Variants in NFXL1 observed in about 807,000 individuals in gnomAD.
NFXL1 encodes nuclear transcription factor, X-box binding like 1.
In NFXL1, 66 loss-of-function variants were observed where a neutral mutation model predicts 123.3. The ratio of observed to expected loss-of-function variants is 0.54; its 90% CI spans 0.44 to 0.66. The LOEUF (loss-of-function observed/expected upper bound fraction) is 0.66. Among genes scored for constraint, NFXL1 ranks in the 30% least tolerant of loss-of-function variants. NFXL1 has a pLI of 0.00. For missense variants in NFXL1, 944 were observed against 1,125.6 expected (o/e 0.84, Z 2.31); for synonymous variants, 346 against 360.8 (o/e 0.96, Z 0.46).
chr4:47,864,495 T>C (rs942643144), intron 18 of NFXL1, among the ~76,000 whole-genome samples: 1 of 152,148 alleles, frequency 6.6e-6, no homozygotes, highest in Non-Finnish European at 1.5e-5. Context: ...TCCTGTCCCA[T>C]ACTCTGGAAG....
intron 3 of NFXL1, among the ~76,000 whole-genome samples, chr4:47,907,958 A>G (rs1157402763): frequency 6.6e-6 from 1 of 152,222 alleles, no homozygotes; most frequent in Non-Finnish European, 1.5e-5. Flanking sequence ...TAGACTTCTC[A>G]GCCAAACTTC....
At chr4:47,854,525 C>T (rs1236073942) in intron 20 of NFXL1, among the ~76,000 whole-genome samples, 1 of 151,992 alleles carries the variant, frequency 6.6e-6, no homozygotes, top group Non-Finnish European at 1.5e-5. Flanking sequence ...CCCATTTACT[C>T]CTCTGTTACC....
rs762079023 is a variant in NFXL1, at chr4:47,862,926, GA to G, written c.2247-12del. 1 of 1,473,690 alleles carries G rather than the reference GA, an allele frequency of 6.8e-7. No homozygotes were observed. Among genetic ancestry groups the G allele is most frequent in the South Asian group, 1.3e-5 (1 of 79,472 alleles). The allele number at this position is 1,473,690 out of a possible 1,614,324, so 91.3% of individuals were successfully genotyped here. On this transcript the variant is annotated splice_polypyrimidine_tract_variant and intron_variant, in intron 18 of 22. Coordinates refer to ENST00000507489, the MANE Select transcript of NFXL1 (RefSeq NM_001278624.2). ...GCTGTGGTTATTTTTCTAAAAATAA[GA>G]AAGTTGATGACATTCAAACAAAAAT...
intron 18 of NFXL1, among the ~76,000 whole-genome samples, chr4:47,873,533 C>A (rs1354158065): frequency 2.6e-5 from 4 of 152,102 alleles, no homozygotes; most frequent in Middle Eastern, 3.2e-3. Context: ...GGTATATTGT[C>A]AATGAGCAGT....
At chr4:47,880,806 G>GT (rs1491317602) in intron 15 of NFXL1, among the ~76,000 whole-genome samples, 9 of 24,382 alleles carry the variant, frequency 3.7e-4, no homozygotes, top group East Asian at 1.4e-3. Flanking sequence ...TAATTAATGA[G>GT]TAAAAAAAAA....
chr4:47,866,402 C>A (rs1487052477), intron 18 of NFXL1, among the ~76,000 whole-genome samples: 2 of 152,154 alleles, frequency 1.3e-5, no homozygotes, highest in African/African-American at 4.8e-5. Context: ...AGAGAGTGGT[C>A]ATCAACTAGA....
Position 47,885,984 on chromosome 4 carries a change from C to A in NFXL1, c.1559G>T (p.Cys520Phe). The A allele has an allele frequency of 6.2e-7, 1 of 1,611,710 alleles. No individual in the cohort carries two copies. Among genetic ancestry groups the A allele is most frequent in the Non-Finnish European group, 8.5e-7 (1 of 1,179,348 alleles). ...SVCHRGSCYP[C>F]PETVDVKCNC... ...ACACTTCACATCTACGGTTTCTGGG[C>A]AGGGATAGCAACTGCCTGAAAAAAA... is the stretch of plus-strand genomic sequence containing the variant. Residue 520 changes from cysteine to phenylalanine, a missense_variant, in exon 13 of 23, where the codon TGC (cysteine) becomes TTC (phenylalanine). This residue lies in a region of NFXL1 where 296 missense variants were observed against 395.1 expected (regional missense o/e 0.75). Coordinates refer to ENST00000507489, the MANE Select transcript of NFXL1 (RefSeq NM_001278624.2).
chr4:47,866,839 A>G (rs137966834), intron 18 of NFXL1, among the ~76,000 whole-genome samples: 1 of 152,352 alleles, frequency 6.6e-6, no homozygotes, highest in Non-Finnish European at 1.5e-5. Context: ...TCTGGTATGT[A>G]CCAGGTGAGG....
At chr4:47,851,656 G>A (rs551189178) in intron 21 of NFXL1, among the ~76,000 whole-genome samples, 200 bp downstream of exon 21, 2 of 151,974 alleles carry the variant, frequency 1.3e-5, no homozygotes, top group East Asian at 1.9e-4. Context: ...ATCTTATAAC[G>A]GGCATAGAAG....
intron 4 of NFXL1, among the ~76,000 whole-genome samples, chr4:47,903,811 T>C (rs1289499419): frequency 6.6e-6 from 1 of 152,142 alleles, no homozygotes; most frequent in Non-Finnish European, 1.5e-5. Context: ...AGCCCTTTTG[T>C]TATATAAAAC....
Position 47,899,232 on chromosome 4 carries a change from T to C in NFXL1, c.827-112A>G, listed in dbSNP as rs1334582983. 18 of 1,284,872 alleles carry C rather than the reference T, an allele frequency of 1.4e-5. No homozygotes were observed. The African/African-American group carries it at 2.7e-4, about 19-fold the overall frequency. 79.6% of individuals were successfully genotyped at this position (1,284,872 alleles called of 1,614,324 possible). On this transcript the variant is annotated intron_variant, in intron 6 of 22. Transcript: ENST00000507489. ...TTTCTAGAACTTTCTTTACTGACAC[T>C]TTACAAAAGGCAATAACTTTCAATA... is the stretch of plus-strand genomic sequence containing the variant.
At chr4:47,856,383 A>T (rs1050177813) in intron 19 of NFXL1, among the ~76,000 whole-genome samples, 6 of 152,124 alleles carry the variant, frequency 3.9e-5, no homozygotes, top group African/African-American at 1.4e-4. Flanking sequence ...GTGTAACTTA[A>T]AACAATTTTT....
chr4:47,883,099 C>T (rs1377554514), intron 15 of NFXL1, among the ~76,000 whole-genome samples: 1 of 152,016 alleles, frequency 6.6e-6, no homozygotes, highest in African/African-American at 2.4e-5. Flanking sequence ...TCTTTTCTTC[C>T]ACGTTTTTTG....
intron 10 of NFXL1, among the ~76,000 whole-genome samples, chr4:47,895,368 T>C (rs1413448987): frequency 1.3e-5 from 2 of 152,234 alleles, no homozygotes; most frequent in African/African-American, 4.8e-5. Context: ...GAAAGTCCTA[T>C]ATTGTATCTT....
chr4:47,851,873 T>G lies in NFXL1; in HGVS notation c.2491A>C (p.Lys831Gln), dbSNP rs974353230. The G allele has an allele frequency of 2.5e-6, 4 of 1,607,104 alleles. No individual in the cohort carries two copies. In the East Asian group the frequency reaches 8.9e-5, roughly 36 times the overall value. The change falls in exon 21 of 23, where the codon AAG becomes CAG. Residue 831 changes from lysine (K) to glutamine (Q), a missense_variant. Coordinates refer to ENST00000507489, the MANE Select transcript of NFXL1 (RefSeq NM_001278624.2). ...IECDTTCKEMKRKASEIKEAE... is the reference protein window; with the variant it reads ...IECDTTCKEMQRKASEIKEAE... The stretch of plus-strand genomic sequence containing the variant: ...GACATTACCTCAGATGCTTTCCGCT[T>G]CATTTCCTTGCACGTTGTGTCACAT...
intron 12 of NFXL1, among the ~76,000 whole-genome samples, chr4:47,888,868 G>A (rs1213173431): frequency 6.6e-6 from 1 of 152,110 alleles, no homozygotes; most frequent in African/African-American, 2.4e-5. Context: ...AAAAAATGAA[G>A]TTACTTATGA....
intron 5 of NFXL1, among the ~76,000 whole-genome samples, chr4:47,901,752 G>A (rs1301272320): frequency 6.6e-6 from 1 of 152,214 alleles, no homozygotes; most frequent in African/African-American, 2.4e-5. Context: ...TTAAGAGTGA[G>A]GAGTCAGAAG....
At chr4:47,882,334 G>A (rs1736163051) in intron 15 of NFXL1, 1 of 152,110 alleles carries the variant, frequency 6.6e-6, no homozygotes, top group Non-Finnish European at 1.5e-5. Flanking sequence ...AAGAAAAGAA[G>A]AAAAGGAAAA....
chr4:47,859,399 T>C lies in NFXL1; in HGVS notation c.2316+3447A>G, dbSNP rs535269735. On this transcript the variant is annotated intron_variant, in intron 19 of 22. Transcript: ENST00000507489. ...GTCCGTTACATGTTATTACCTCATA[T>C]AATACTCAGCACTCTGAAGTGGGTA... Among the ~76,000 whole-genome samples, 5 of 152,364 alleles carry C rather than the reference T, an allele frequency of 3.3e-5. No homozygotes were observed. The East Asian group carries it at 9.6e-4, about 29-fold the overall frequency.
Sources: allele counts gnomAD v4.1 joint callset (sites outside exome capture counted in the v4.1 genomes callset), GRCh38; gene constraint gnomAD v4.1.1; regional missense constraint gnomAD v4.1.1; transcripts MANE v1.5; gene names NCBI Gene and HGNC (gene_info 2026-07-23, HGNC 2026-07-21).